The following CNTNAP2 variants were observed in gnomAD, a reference collection of about 807,000 sequenced individuals.
CNTNAP2 encodes contactin-associated protein-like 2.
A neutral mutation model predicts 155.2 loss-of-function variants in CNTNAP2; 98 were observed. The observed-to-expected ratio is 0.63, with a 90% CI of 0.54 to 0.75. The LOEUF is 0.75. Among genes scored for constraint, CNTNAP2 ranks in the 30% least tolerant of loss-of-function variants. CNTNAP2 has a pLI of 0.00. For missense variants in CNTNAP2, 1,727 were observed against 1,688.1 expected (o/e 1.02, Z -0.40); for synonymous variants, 651 against 631.2 (o/e 1.03, Z -0.47).
chr7:147,042,386 T>G (rs1428802172), intron 3 of CNTNAP2, among the ~76,000 whole-genome samples: 1 of 152,184 alleles, frequency 6.6e-6, no homozygotes, highest in Non-Finnish European at 1.5e-5. Context: ...TTCAGTATAC[T>G]TCTCATAATT....
At chr7:148,200,538 G>A (rs1266646793) in intron 18 of CNTNAP2, among the ~76,000 whole-genome samples, 2 of 151,818 alleles carry the variant, frequency 1.3e-5, no homozygotes, top group African/African-American at 2.4e-5. Flanking sequence ...GGGATTACAG[G>A]CATGCACCAC....
At chr7:148,042,603 C>T (rs1277485588) in intron 15 of CNTNAP2, among the ~76,000 whole-genome samples, 1 of 152,262 alleles carries the variant, frequency 6.6e-6, no homozygotes, top group Admixed American at 6.5e-5. Flanking sequence ...TGTTTTGTTC[C>T]CATTTGTAAG....
At chr7:148,275,081 A>C (rs1004202645) in intron 21 of CNTNAP2, among the ~76,000 whole-genome samples, 2 of 152,216 alleles carry the variant, frequency 1.3e-5, no homozygotes, top group Non-Finnish European at 2.9e-5. Context: ...TTAGGGTCCA[A>C]GACAGGCACA....
At chr7:148,317,688 G>A (rs1215967753) in intron 21 of CNTNAP2, among the ~76,000 whole-genome samples, 1 of 152,050 alleles carries the variant, frequency 6.6e-6, no homozygotes, top group Non-Finnish European at 1.5e-5. Context: ...ATAAGGTCTT[G>A]GTTGCCCTGA....
chr7:147,075,558 T>C (rs1799979968), intron 4 of CNTNAP2, among the ~76,000 whole-genome samples: 1 of 152,196 alleles, frequency 6.6e-6, no homozygotes, highest in African/African-American at 2.4e-5. Flanking sequence ...CTAACAATAA[T>C]AATAGTATAT....
At chr7:147,680,791 C>T (rs1249540257) in intron 13 of CNTNAP2, among the ~76,000 whole-genome samples, 2 of 151,366 alleles carry the variant, frequency 1.3e-5, no homozygotes, top group East Asian at 3.9e-4. Context: ...ATTTATTATA[C>T]AATACATTAT....
chr7:147,838,055 T>G (rs1240351963), intron 13 of CNTNAP2, among the ~76,000 whole-genome samples: 2 of 152,192 alleles, frequency 1.3e-5, no homozygotes, highest in Non-Finnish European at 2.9e-5. Context: ...GTTATTGACT[T>G]CTGTATACCT....
chr7:146,243,638 G>C (rs1343626521), intron 1 of CNTNAP2, among the ~76,000 whole-genome samples: 1 of 152,108 alleles, frequency 6.6e-6, no homozygotes, highest in Non-Finnish European at 1.5e-5. Flanking sequence ...GGATATAGAT[G>C]TGGGTTCGAA....
intron 15 of CNTNAP2, among the ~76,000 whole-genome samples, chr7:147,978,700 G>A (rs1487708111): frequency 6.6e-6 from 1 of 152,094 alleles, no homozygotes; most frequent in Non-Finnish European, 1.5e-5. Context: ...TGCACTGTGG[G>A]GATTCTGCAG....
At chr7:146,495,117 G>A (rs1268957391) in intron 1 of CNTNAP2, among the ~76,000 whole-genome samples, 1 of 152,182 alleles carries the variant, frequency 6.6e-6, no homozygotes, top group Non-Finnish European at 1.5e-5. Context: ...GAGTGAGGTT[G>A]TCAAATCTGT....
chr7:146,282,859 G>A (rs1800271652), intron 1 of CNTNAP2, among the ~76,000 whole-genome samples: 1 of 152,206 alleles, frequency 6.6e-6, no homozygotes, highest in African/African-American at 2.4e-5. Flanking sequence ...CATTGCTGAA[G>A]TTAGGACTGC....
chr7:147,060,965 G>A (rs940933776), intron 4 of CNTNAP2, among the ~76,000 whole-genome samples: 1 of 152,068 alleles, frequency 6.6e-6, no homozygotes, highest in African/African-American at 2.4e-5. Flanking sequence ...CCTTTTTTAT[G>A]TTTTTCTGCA....
At chr7:147,318,211 G>T (rs1795272614) in intron 9 of CNTNAP2, among the ~76,000 whole-genome samples, 2 of 152,138 alleles carry the variant, frequency 1.3e-5, no homozygotes, top group Admixed American at 1.3e-4. Flanking sequence ...AGAAGCTGAG[G>T]TAGGAGAATC....
intron 1 of CNTNAP2, among the ~76,000 whole-genome samples, chr7:146,652,863 C>T (rs953369835): frequency 5.3e-5 from 8 of 152,046 alleles, no homozygotes; most frequent in Non-Finnish European, 8.8e-5. Flanking sequence ...TTGAAGACTT[C>T]GTTGTCGTGA....
chr7:147,411,886 C>A (rs1462203534), intron 10 of CNTNAP2, among the ~76,000 whole-genome samples: 2 of 151,952 alleles, frequency 1.3e-5, no homozygotes, highest in East Asian at 3.9e-4. Flanking sequence ...GTTGATGTTT[C>A]GAAAGATTAT....
At position 148,024,185 on chromosome 7, in the gene CNTNAP2, T is replaced by A. The variant is rs565791534; in HGVS notation, c.2383+46196T>A. On this transcript the variant is annotated intron_variant, in intron 15 of 23. Transcript: ENST00000361727. ...AAAAAAAAAAAAAAAAAAAACTTTATAACATCCTGAGAATTAATCCTTGGA... is the reference window on the plus strand; with the variant it reads ...AAAAAAAAAAAAAAAAAAAACTTTAAAACATCCTGAGAATTAATCCTTGGA... Among the ~76,000 whole-genome samples the A allele has an allele frequency of 7.4e-4, 103 of 138,968 alleles. 2 individuals carry two copies. The South Asian group carries it at 0.019, about 25-fold the overall frequency. The allele number at this position is 138,968 out of a possible 152,430, so 91.2% of individuals were successfully genotyped here. A position where few individuals can be genotyped will look rare whatever the true frequency, so the allele number is the denominator to read the frequency against.
At chr7:146,117,399 CA>C (rs1208277831) in intron 1 of CNTNAP2, 1 of 160,952 alleles carries the variant, frequency 6.2e-6, no homozygotes. Context: ...TTGAGGTTAA[CA>C]AGAGGAGCAT....
At chr7:146,322,684 G>A (rs1302142144) in intron 1 of CNTNAP2, among the ~76,000 whole-genome samples, 3 of 113,632 alleles carry the variant, frequency 2.6e-5, no homozygotes, top group African/African-American at 1.0e-4. Flanking sequence ...CACTCAGTAG[G>A]TCTTCCCTCA....
At chr7:148,277,586 A>ACCCCCCCCCCCCCC (rs147409823) in intron 21 of CNTNAP2, among the ~76,000 whole-genome samples, 4 of 140,076 alleles carry the variant, frequency 2.9e-5, no homozygotes, top group Admixed American at 7.3e-5. Flanking sequence ...TTAGTACAGG[A>ACCCCCCCCCCCCCC]CCGCCCCCCA....
Sources: gnomAD v4.1 joint callset for allele counts (sites outside exome capture counted in the v4.1 genomes callset) on GRCh38, gnomAD v4.1.1 for gene constraint, MANE v1.5 for transcripts, NCBI Gene and HGNC (gene_info 2026-07-23, HGNC 2026-07-21) for gene names.